The following HAUS6 variants were observed in gnomAD, a reference collection of about 807,000 sequenced individuals.
HAUS6 encodes HAUS augmin like complex subunit 6.
HAUS6 carries 80 observed loss-of-function variants against 106.8 expected under a neutral mutation model. The observed-to-expected ratio is 0.75, with a 90% CI of 0.63 to 0.90. The LOEUF (loss-of-function observed/expected upper bound fraction) is 0.90, where lower values mean the gene tolerates loss of function less well. HAUS6 is among the 40% of genes least tolerant of loss of function. HAUS6 has a pLI of 0.00. For synonymous variants in HAUS6, 356 were observed against 379.1 expected (o/e 0.94, Z 0.71); for missense variants, 1,155 against 1,118.1 (o/e 1.03, Z -0.47).
chr9:19,065,062 G>A (rs1276850378), intron 12 of HAUS6: 6 of 152,218 alleles, frequency 3.9e-5, no homozygotes, highest in Non-Finnish European at 7.3e-5. Context: ...TGATGGAATC[G>A]ATGAGTAAAT....
intron 10 of HAUS6, among the ~76,000 whole-genome samples, chr9:19,076,969 G>A (rs973343286): frequency 6.6e-6 from 1 of 152,034 alleles, no homozygotes; most frequent in Non-Finnish European, 1.5e-5. Context: ...TCAGCCTCTC[G>A]AGTAGCTAGG....
At chr9:19,069,566 G>A (rs182849531) in intron 12 of HAUS6, among the ~76,000 whole-genome samples, 2 of 152,224 alleles carry the variant, frequency 1.3e-5, no homozygotes, top group South Asian at 2.1e-4. Context: ...GCAGGCGCTT[G>A]TAATGCCAGC....
rs190431682 is a variant in HAUS6 at position 19,088,818 on chromosome 9, C to T, written c.584+594G>A. 4.8e-5 allele frequency among the ~76,000 whole-genome samples: 7 copies of T among 146,910 alleles called. No homozygotes were observed. In the East Asian group the frequency reaches 9.7e-4, roughly 20 times the overall value. On this transcript the variant is annotated intron_variant, in intron 5 of 16. Coordinates refer to ENST00000380502, the MANE Select transcript of HAUS6 (RefSeq NM_017645.5). ...GTTTGAACCCAGAAGGTGGAGGTTG[C>T]AGTGAGCCAAGATTGCACTACTGCA...
chr9:19,062,633 G>A (rs993442772), intron 14 of HAUS6, among the ~76,000 whole-genome samples: 1 of 152,034 alleles, frequency 6.6e-6, no homozygotes, highest in Non-Finnish European at 1.5e-5. Flanking sequence ...ATTTCGCTTA[G>A]GATCCCAACA....
intron 1 of HAUS6, among the ~76,000 whole-genome samples, chr9:19,099,522 T>C (rs532508301): frequency 6.6e-5 from 10 of 152,258 alleles, no homozygotes; most frequent in African/African-American, 2.4e-4. Flanking sequence ...TGGAGTGCAG[T>C]GCTACCATCA....
chr9:19,079,605 C>T (rs1227580893), intron 9 of HAUS6, among the ~76,000 whole-genome samples: 1 of 152,058 alleles, frequency 6.6e-6, no homozygotes, highest in Non-Finnish European at 1.5e-5. Flanking sequence ...ACTCTCTGTC[C>T]ATTCCTATAA....
At chr9:19,070,052 C>T (rs1415530390) in intron 12 of HAUS6, among the ~76,000 whole-genome samples, 167 bp downstream of exon 12, 1 of 152,158 alleles carries the variant, frequency 6.6e-6, no homozygotes, top group Non-Finnish European at 1.5e-5. Context: ...TGAGCCACTA[C>T]ATCCAGTGAT....
At chr9:19,081,833 G>A (rs1477578290) in intron 8 of HAUS6, among the ~76,000 whole-genome samples, 2 of 151,986 alleles carry the variant, frequency 1.3e-5, no homozygotes, top group Admixed American at 6.6e-5. Flanking sequence ...TGGGGGCCGA[G>A]GCAAGAGGAT....
rs753790987 is a variant in HAUS6 at position 19,058,241 on chromosome 9, T to C, written c.2526A>G (p.Lys842=). The C allele has an allele frequency of 6.8e-6, 11 of 1,613,772 alleles. No individual in the cohort carries two copies. The South Asian group carries it at 1.1e-4, about 16-fold the overall frequency. Residue 842 remains lysine, a synonymous_variant, in exon 16 of 17, where the codon AAA becomes AAG. Coordinates refer to ENST00000380502, the MANE Select transcript of HAUS6 (RefSeq NM_017645.5). ...ALRSRYEALK[K]SLSKKREESY... is the part of the protein sequence containing the mutation. ...ATTCTTCCCTTTTCTTGGAAAGAGA[T>C]TTCTTCAGAGCCTCGTATCTACTGC...
intron 1 of HAUS6, among the ~76,000 whole-genome samples, chr9:19,100,041 A>G (rs944022964): frequency 6.6e-6 from 1 of 152,152 alleles, no homozygotes; most frequent in Non-Finnish European, 1.5e-5. Context: ...AAAAATACAA[A>G]AAAATTAGCC....
At chr9:19,066,049 C>A (rs1564009451) in intron 12 of HAUS6, among the ~76,000 whole-genome samples, 1 of 151,340 alleles carries the variant, frequency 6.6e-6, no homozygotes, top group Admixed American at 6.6e-5. Flanking sequence ...ACTTCTCCTG[C>A]CCCAGCCTCC....
chr9:19,078,924 G>A (rs1416168916), intron 9 of HAUS6, among the ~76,000 whole-genome samples: 1 of 149,956 alleles, frequency 6.7e-6, no homozygotes, highest in East Asian at 1.9e-4. Flanking sequence ...GGAGGCTGAG[G>A]CAGGTGGATC....
At chr9:19,093,763 G>A (rs1817804128) in intron 3 of HAUS6, among the ~76,000 whole-genome samples, 1 of 152,118 alleles carries the variant, frequency 6.6e-6, no homozygotes, top group Non-Finnish European at 1.5e-5. Context: ...CAGCTACTCA[G>A]GAGGCTGAGA....
Position 19,086,688 on chromosome 9 carries a change from A to G in HAUS6, c.699+46T>C, listed in dbSNP as rs758162605. The G allele has an allele frequency of 8.2e-6, 7 of 850,618 alleles. No homozygotes were observed. The African/African-American group carries it at 1.0e-4, about 13-fold the overall frequency. The allele number at this position is 850,618 out of a possible 1,614,324, so 52.7% of individuals were successfully genotyped here. A position where few individuals can be genotyped will look rare whatever the true frequency, so the allele number is the denominator to read the frequency against. The stretch of plus-strand genomic sequence containing the variant: ...ACTAATTAAGCAAACACTGCGTATC[A>G]CAGAATTTTAAAAGATTAAATTTCT... On this transcript the variant is annotated intron_variant, in intron 7 of 16. Transcript: ENST00000380502.
At chr9:19,078,339 T>C (rs750243238) in intron 9 of HAUS6, 37 bp from the exon 10 acceptor site, 5 of 1,226,642 alleles carry the variant, frequency 4.1e-6, no homozygotes, top group South Asian at 1.3e-5. Flanking sequence ...CAAAAGATGA[T>C]ACAAAAAAAG....
At chr9:19,056,865 T>A (rs2131092997) in intron 16 of HAUS6, 1 of 157,516 alleles carries the variant, frequency 6.3e-6, no homozygotes, top group Admixed American at 6.2e-5. Flanking sequence ...ACTCCCAAAG[T>A]GCTGGGATTG....
At chr9:19,074,621 C>T (rs925924040) in intron 11 of HAUS6, among the ~76,000 whole-genome samples, 1 of 152,024 alleles carries the variant, frequency 6.6e-6, no homozygotes, top group African/African-American at 2.4e-5. Flanking sequence ...TAAACTGAGC[C>T]TTGCTCTCTG....
rs1837012508 is a variant in HAUS6, at chr9:19,076,647, C to G, written c.1249G>C (p.Val417Leu). ...PLSFDPASEE[V>L]YAKSILCQYP... ...TGACAAAGAATACTCTTTGCATACA[C>G]TTCTTCTGAGGCAGGATCAAACGAA... The change falls in exon 11 of 17, where the codon GTG becomes CTG. Residue 417 changes from valine (V) to leucine (L), a missense_variant. Transcript: ENST00000380502. 1 of 1,595,892 alleles carries G rather than the reference C, an allele frequency of 6.3e-7. No homozygotes were observed. Among genetic ancestry groups the G allele is most frequent in the Non-Finnish European group, 8.6e-7 (1 of 1,164,428 alleles).
chr9:19,064,024 A>G (rs1207563806), intron 12 of HAUS6, among the ~76,000 whole-genome samples: 4 of 150,428 alleles, frequency 2.7e-5, no homozygotes, highest in Admixed American at 6.7e-5. Context: ...CTAGAGTGCA[A>G]TGGCGCGATC....
Sources: allele counts gnomAD v4.1 joint callset (sites outside exome capture counted in the v4.1 genomes callset), GRCh38; gene constraint gnomAD v4.1.1; transcripts MANE v1.5; gene names NCBI Gene and HGNC (gene_info 2026-07-23, HGNC 2026-07-21).